The following NALCN variants were observed in gnomAD, a reference collection of about 807,000 sequenced individuals.
NALCN encodes the protein sodium leak channel NALCN.
Under a neutral mutation model 225.3 loss-of-function variants are expected in NALCN, and 111 were observed. The observed-to-expected ratio is 0.49, with a 90% CI of 0.42 to 0.58. The LOEUF (loss-of-function observed/expected upper bound fraction) is 0.58. Among genes scored for constraint, NALCN ranks in the 20% least tolerant of loss-of-function variants. NALCN has a pLI of 0.00. For missense variants in NALCN, 1,378 were observed against 2,202.4 expected (o/e 0.63, Z 7.49); for synonymous variants, 764 against 769.0 (o/e 0.99, Z 0.11).
intron 6 of NALCN, among the ~76,000 whole-genome samples, chr13:101,359,640 T>C (rs1174354754): frequency 6.6e-6 from 1 of 152,224 alleles, no homozygotes; most frequent in Admixed American, 6.5e-5. Context: ...GCATAAACCA[T>C]CACATTTAAT....
chr13:101,328,867 C>G (rs2045057932), intron 7 of NALCN, among the ~76,000 whole-genome samples: 2 of 152,172 alleles, frequency 1.3e-5, no homozygotes, highest in African/African-American at 4.8e-5. Context: ...CCAATTCCTT[C>G]TTTTATCTGG....
chr13:101,220,556 T>G (rs183267537), intron 13 of NALCN, among the ~76,000 whole-genome samples: 10 of 152,280 alleles, frequency 6.6e-5, no homozygotes, highest in Non-Finnish European at 1.5e-4. Flanking sequence ...AAAGGAAAAA[T>G]ATACTCCTTC....
chr13:101,384,870 A>G (rs1470556681), intron 3 of NALCN, among the ~76,000 whole-genome samples: 1 of 152,222 alleles, frequency 6.6e-6, no homozygotes, highest in Non-Finnish European at 1.5e-5. Flanking sequence ...ATTATAAAAG[A>G]TGGAAAACAC....
In NALCN at chr13:101,104,581, G is replaced by C. The variant is rs1324969270; in HGVS notation, c.2706C>G (p.Ser902=). 2 of 1,614,004 alleles carry C rather than the reference G, an allele frequency of 1.2e-6. No homozygotes were observed. The highest frequency in any genetic ancestry group is 2.2e-5 in the South Asian group (2 of 91,084). The change falls in exon 24 of 44, where the codon TCC becomes TCG. Residue 902 remains serine, a synonymous_variant. Coordinates refer to ENST00000251127, the MANE Select transcript of NALCN (RefSeq NM_052867.4). This position sits in a 1 kb window ranked among gnomAD's most constrained non-coding sequence, Gnocchi z 4.2. ...MIIVTICSCI[S]MMFESPFRRV... ...TTCGAAACGGGGACTCAAACATCAT[G>C]GAAATGCAAGAGCAGATGGTTACGA...
At chr13:101,265,569 C>T (rs2042570180) in intron 10 of NALCN, among the ~76,000 whole-genome samples, 1 of 152,114 alleles carries the variant, frequency 6.6e-6, no homozygotes, top group Non-Finnish European at 1.5e-5. Flanking sequence ...AAATGGACAC[C>T]AACAGGATGG....
At chr13:101,296,959 GAAT>G (rs1399928110) in intron 7 of NALCN, among the ~76,000 whole-genome samples, 6 of 152,170 alleles carry the variant, frequency 3.9e-5, no homozygotes, top group African/African-American at 1.4e-4. Context: ...CCTGTATTGA[GAAT>G]AGTAGAGGAT....
chr13:101,160,533 C>T (rs548195799), intron 15 of NALCN, among the ~76,000 whole-genome samples: 72 of 152,268 alleles, frequency 4.7e-4, no homozygotes, highest in African/African-American at 1.6e-3. Context: ...CTCAGCTCCT[C>T]TTTTCTGTTA....
chr13:101,321,747 A>G, intron 7 of NALCN, among the ~76,000 whole-genome samples: 1 of 152,270 alleles, frequency 6.6e-6, no homozygotes, highest in Middle Eastern at 3.4e-3. Flanking sequence ...ATATGTAAAC[A>G]ACACTCCATA....
At chr13:101,193,364 C>G (rs1012079932) in intron 13 of NALCN, among the ~76,000 whole-genome samples, 2 of 152,120 alleles carry the variant, frequency 1.3e-5, no homozygotes, top group Non-Finnish European at 2.9e-5. Context: ...ACTGTAATTT[C>G]CTTCAGTAAG....
intron 6 of NALCN, among the ~76,000 whole-genome samples, chr13:101,364,546 T>C (rs1382407329): frequency 6.6e-6 from 1 of 152,016 alleles, no homozygotes; most frequent in African/African-American, 2.4e-5. Context: ...CTTATGAAGA[T>C]AGAAAGTAGA....
At chr13:101,270,303 T>G (rs2042734607) in intron 10 of NALCN, among the ~76,000 whole-genome samples, 1 of 152,216 alleles carries the variant, frequency 6.6e-6, no homozygotes, top group Non-Finnish European at 1.5e-5. Context: ...CACGACGCCA[T>G]GATGGTTTTG....
intron 15 of NALCN, among the ~76,000 whole-genome samples, chr13:101,151,679 C>T (rs1295589695): frequency 6.6e-6 from 1 of 152,176 alleles, no homozygotes; most frequent in Non-Finnish European, 1.5e-5. Flanking sequence ...ATATATATGA[C>T]ATAGCAATTC....
intron 30 of NALCN, among the ~76,000 whole-genome samples, chr13:101,086,218 C>G (rs2033923075): frequency 6.6e-6 from 1 of 151,784 alleles, no homozygotes. Context: ...ACTTTCTTCC[C>G]CCCTACTTTA....
intron 11 of NALCN, among the ~76,000 whole-genome samples, chr13:101,247,382 T>A (rs2041928359): frequency 6.6e-6 from 1 of 152,154 alleles, no homozygotes; most frequent in South Asian, 2.1e-4. Flanking sequence ...CTTAAAAACC[T>A]GGCTCTGGAT....
At chr13:101,255,544 C>T (rs1311594289) in intron 11 of NALCN, among the ~76,000 whole-genome samples, 1 of 152,164 alleles carries the variant, frequency 6.6e-6, no homozygotes, top group African/African-American at 2.4e-5. Flanking sequence ...GAGAGATAAG[C>T]ATAACTGTAA....
chr13:101,168,061 C>T (rs9582456), intron 15 of NALCN, among the ~76,000 whole-genome samples: 4,823 of 152,150 alleles, frequency 0.032, 146 homozygotes, highest in African/African-American at 0.077. Context: ...TCTTTGAGAT[C>T]GTTGAACAAG....
chr13:101,405,802 T>A (rs1482312337), intron 1 of NALCN, among the ~76,000 whole-genome samples: 1 of 152,168 alleles, frequency 6.6e-6, no homozygotes, highest in Admixed American at 6.5e-5. Context: ...TCAGAATGCT[T>A]TCTCCAAAGG....
At chr13:101,145,339 T>C (rs2037296587) in intron 15 of NALCN, among the ~76,000 whole-genome samples, 4 of 152,234 alleles carry the variant, frequency 2.6e-5, no homozygotes. Context: ...GTAGCATTTG[T>C]AAAGAGAGAC....
chr13:101,161,602 T>C (rs587156), intron 15 of NALCN, among the ~76,000 whole-genome samples: 27,014 of 152,236 alleles, frequency 0.18, 3,379 homozygotes, highest in African/African-American at 0.34. Context: ...GCTGGTATGG[T>C]GGCTCATGCC....
Sources: allele counts gnomAD v4.1 joint callset (sites outside exome capture counted in the v4.1 genomes callset), GRCh38; gene constraint gnomAD v4.1.1; non-coding constraint Gnocchi (gnomAD v3.1); transcripts MANE v1.5; gene names NCBI Gene and HGNC (gene_info 2026-07-23, HGNC 2026-07-21).